ZNF10: variants seen among roughly 807,000 people sequenced by gnomAD.
ZNF10 encodes zinc finger protein 10, also known as zinc finger protein 10 (KOX 1).
In ZNF10, 8 loss-of-function variants were observed where a neutral mutation model predicts 12.2. The ratio of observed to expected loss-of-function variants is 0.66; its 90% CI spans 0.39 to 1.18. ZNF10 has a LOEUF of 1.18. Ranked by LOEUF, ZNF10 falls within the 50% of genes most tolerant of loss-of-function variation. The pLI is 0.01. For synonymous variants in ZNF10, 229 were observed against 228.2 expected (o/e 1.00, Z -0.03); for missense variants, 603 against 678.9 (o/e 0.89, Z 1.24).
At chr12:133,132,199 A>T (rs1955883455) in intron 1 of ZNF10, among the ~76,000 whole-genome samples, 1 of 152,232 alleles carries the variant, frequency 6.6e-6, no homozygotes, top group Non-Finnish European at 1.5e-5. Flanking sequence ...TTACTAGAAG[A>T]ATAAAGGATG....
At chr12:133,144,222 T>G in intron 1 of ZNF10, 1 of 304,888 alleles carries the variant, frequency 3.3e-6, no homozygotes, top group Non-Finnish European at 6.1e-6. Flanking sequence ...ACTCCAGAGA[T>G]TAAGGGGGTA....
intron 1 of ZNF10, among the ~76,000 whole-genome samples, chr12:133,140,227 A>G (rs1052665248): frequency 6.7e-6 from 1 of 149,252 alleles, no homozygotes; most frequent in Non-Finnish European, 1.5e-5. Flanking sequence ...AAAAAAAAAA[A>G]AAAAGCCAGG....
At chr12:133,143,950 A>T (rs1466622979) in intron 1 of ZNF10, 2 of 152,324 alleles carry the variant, frequency 1.3e-5, no homozygotes, top group African/African-American at 4.8e-5. Flanking sequence ...GCTGGCTTTC[A>T]GCTGGTGCTG....
At chr12:133,145,686 T>C (rs1955971393) in intron 2 of ZNF10, among the ~76,000 whole-genome samples, 1 of 151,806 alleles carries the variant, frequency 6.6e-6, no homozygotes, top group Admixed American at 6.6e-5. Flanking sequence ...GGTGGCATAG[T>C]CCTAGCTACT....
At chr12:133,144,705 CTTT>C (rs906247240) in intron 2 of ZNF10, among the ~76,000 whole-genome samples, 180 bp downstream of exon 2, 2 of 152,064 alleles carry the variant, frequency 1.3e-5, no homozygotes, top group African/African-American at 2.4e-5. Flanking sequence ...TCCCTCTCTT[CTTT>C]TATTATAGAA....
intron 4 of ZNF10, among the ~76,000 whole-genome samples, chr12:133,154,939 A>T (rs1394301028): frequency 1.3e-5 from 2 of 152,086 alleles, no homozygotes; most frequent in Non-Finnish European, 2.9e-5. Flanking sequence ...TTAACCAGGC[A>T]TGGTGGCAGG....
At chr12:133,144,148 CA>C (rs1190312954) in intron 1 of ZNF10, 340 of 168,540 alleles carry the variant, frequency 2.0e-3, no homozygotes, top group East Asian at 4.2e-3. Flanking sequence ...TTTTTTTCCG[CA>C]AAAAAAAAAT....
At chr12:133,134,618 T>C (rs1955900593) in intron 1 of ZNF10, among the ~76,000 whole-genome samples, 1 of 152,200 alleles carries the variant, frequency 6.6e-6, no homozygotes, top group South Asian at 2.1e-4. Context: ...GTTTTGATAA[T>C]TGGCAGCAAT....
At chr12:133,130,856 C>T (rs1338842362) in intron 1 of ZNF10, 102 bp downstream of exon 1, 1 of 152,170 alleles carries the variant, frequency 6.6e-6, no homozygotes, top group African/African-American at 2.4e-5. Flanking sequence ...TCTAGGTAGA[C>T]GGTAATTTCG....
At chr12:133,155,152 C>G (rs145191309) in intron 4 of ZNF10, among the ~76,000 whole-genome samples, 2 of 151,300 alleles carry the variant, frequency 1.3e-5, no homozygotes, top group Non-Finnish European at 2.9e-5. Flanking sequence ...GTCCTGACAA[C>G]AAGTAGACAG....
At chr12:133,142,941 A>G (rs1284604960) in intron 1 of ZNF10, among the ~76,000 whole-genome samples, 1 of 152,220 alleles carries the variant, frequency 6.6e-6, no homozygotes, top group Non-Finnish European at 1.5e-5. Flanking sequence ...GATGGAAACA[A>G]TGCAAGTGTT....
chr12:133,149,939 C>T (rs1593845226), intron 2 of ZNF10, among the ~76,000 whole-genome samples: 1 of 152,162 alleles, frequency 6.6e-6, no homozygotes, highest in East Asian at 1.9e-4. Context: ...CTTTTACAGT[C>T]CACTTAGAGT....
intron 1 of ZNF10, among the ~76,000 whole-genome samples, chr12:133,137,011 T>C (rs1955916198): frequency 6.6e-6 from 1 of 152,210 alleles, no homozygotes; most frequent in Non-Finnish European, 1.5e-5. Context: ...ATCATTTCTC[T>C]AGTACGTAAC....
intron 2 of ZNF10, among the ~76,000 whole-genome samples, chr12:133,145,238 C>T (rs146351783): frequency 2.0e-5 from 3 of 152,234 alleles, no homozygotes; most frequent in Non-Finnish European, 4.4e-5. Flanking sequence ...AAATAATAAA[C>T]AACACAATTC....
intron 2 of ZNF10, 64 bp from the exon 3 acceptor site, chr12:133,150,964 G>T: frequency 1.3e-6 from 2 of 1,548,212 alleles, no homozygotes; most frequent in South Asian, 1.2e-5. Flanking sequence ...TCCTGTTAGC[G>T]ATCAGGAAAG....
intron 1 of ZNF10, among the ~76,000 whole-genome samples, chr12:133,134,425 A>G (rs1226993991): frequency 6.6e-6 from 1 of 152,308 alleles, no homozygotes; most frequent in East Asian, 1.9e-4. Context: ...AGGAAGGGTC[A>G]GGAGCCAAGG....
intron 4 of ZNF10, among the ~76,000 whole-genome samples, chr12:133,154,375 C>G (rs577575654): frequency 2.0e-5 from 3 of 152,156 alleles, no homozygotes; most frequent in South Asian, 2.1e-4. Context: ...GGTAGTAGTC[C>G]TATCAGTTGT....
At chr12:133,149,352 C>CTTTT (rs144304054) in intron 2 of ZNF10, among the ~76,000 whole-genome samples, 38 of 85,788 alleles carry the variant, frequency 4.4e-4, no homozygotes, top group Non-Finnish European at 5.5e-4. Flanking sequence ...TTTGCTATTG[C>CTTTT]TTTTTTTTTT....
intron 1 of ZNF10, among the ~76,000 whole-genome samples, chr12:133,139,919 C>T (rs1386429025): frequency 6.6e-6 from 1 of 151,722 alleles, no homozygotes; most frequent in African/African-American, 2.4e-5. Flanking sequence ...TTTTAATTAG[C>T]CAGGCTGGGC....
Sources: allele counts gnomAD v4.1 joint callset (sites outside exome capture counted in the v4.1 genomes callset), GRCh38; gene constraint gnomAD v4.1.1; transcripts MANE v1.5; gene names NCBI Gene and HGNC (gene_info 2026-07-23, HGNC 2026-07-21).